INSC: variants seen among roughly 807,000 people sequenced by gnomAD.
INSC encodes the protein protein inscuteable homolog.
In INSC, 67 loss-of-function variants were observed where a neutral mutation model predicts 58.6. The observed-to-expected ratio is 1.14, with a 90% CI of 0.94 to 1.40. INSC has a LOEUF of 1.40. Among genes scored for constraint, INSC ranks in the 40% most tolerant of loss-of-function variants. The probability of loss-of-function intolerance (pLI) is 0.00; values close to 1 mark genes in which losing one functional copy is unlikely to be tolerated. For missense variants in INSC, 714 were observed against 692.0 expected (o/e 1.03, Z -0.36); for synonymous variants, 262 against 276.1 (o/e 0.95, Z 0.51).
intron 5 of INSC, among the ~76,000 whole-genome samples, chr11:15,179,614 C>T (rs10160390): frequency 0.27 from 40,714 of 152,090 alleles, 6,674 homozygotes; most frequent in Non-Finnish European, 0.38. Flanking sequence ...TTATCACCCC[C>T]GACCCCAACA....
intron 1 of INSC, among the ~76,000 whole-genome samples, chr11:15,125,376 A>G (rs1405971566): frequency 6.6e-6 from 1 of 152,226 alleles, no homozygotes; most frequent in Non-Finnish European, 1.5e-5. Context: ...TTGGCTTTTA[A>G]TATGAGTGGT....
intron 4 of INSC, among the ~76,000 whole-genome samples, chr11:15,177,739 C>G (rs12800439): frequency 0.24 from 36,148 of 152,124 alleles, 5,691 homozygotes; most frequent in Non-Finnish European, 0.36. Flanking sequence ...CTTCCCAGAG[C>G]CTGTGTCCTG....
chr11:15,129,270 G>C (rs538141213), intron 1 of INSC, among the ~76,000 whole-genome samples: 1 of 152,154 alleles, frequency 6.6e-6, no homozygotes, highest in African/African-American at 2.4e-5. Context: ...GGGGCTTGCT[G>C]TTCTGTTCTC....
At chr11:15,138,827 G>A (rs921855216) in intron 1 of INSC, among the ~76,000 whole-genome samples, 2 of 152,152 alleles carry the variant, frequency 1.3e-5, no homozygotes, top group Non-Finnish European at 2.9e-5. Flanking sequence ...TTTTACGGAT[G>A]TAGAAGCTGA....
At chr11:15,249,965 T>C (rs528222779), downstream of INSC, among the ~76,000 whole-genome samples, 2 of 152,222 alleles carry the variant, frequency 1.3e-5, no homozygotes, top group African/African-American at 4.8e-5. Flanking sequence ...GGGTGGCTGA[T>C]TGATTAAAAG....
the INSC span, among the ~76,000 whole-genome samples, chr11:15,260,137 A>G: frequency 1.2e-4 from 19 of 152,154 alleles, no homozygotes; most frequent in Non-Finnish European, 2.6e-4. Context: ...GCCGACCCAC[A>G]TCCACAAAAC....
At chr11:15,186,864 T>G (rs1274297951) in intron 5 of INSC, among the ~76,000 whole-genome samples, 1 of 152,198 alleles carries the variant, frequency 6.6e-6, no homozygotes, top group Non-Finnish European at 1.5e-5. Flanking sequence ...ACTCTACTAT[T>G]AAAATACTTT....
In INSC at chr11:15,196,844, G is replaced by T. The variant is rs529615411; in HGVS notation, c.694-3980G>T. Among the ~76,000 whole-genome samples the T allele has an allele frequency of 2.0e-5, 3 of 152,346 alleles. No individual in the cohort carries two copies. In the South Asian group the frequency reaches 6.2e-4, roughly 32 times the overall value. ...CCAGGTGAGGGAGCTAAGACAGTGA[G>T]AAAGTCCAAAGCTAGTAAGGGACTG... On this transcript the variant is annotated intron_variant, in intron 6 of 12. Coordinates refer to ENST00000379556, the MANE Select transcript of INSC (RefSeq NM_001042536.3).
chr11:15,170,277 T>A (rs985177945), intron 2 of INSC, among the ~76,000 whole-genome samples: 1 of 152,228 alleles, frequency 6.6e-6, no homozygotes, highest in Middle Eastern at 3.2e-3. Flanking sequence ...TAGTTTTTTT[T>A]TCATGAATAT....
chr11:15,116,841 C>CT (rs1491266877), intron 1 of INSC, among the ~76,000 whole-genome samples: 1 of 43,226 alleles, frequency 2.3e-5, no homozygotes, highest in African/African-American at 1.4e-4. Flanking sequence ...TTCTTTCTTT[C>CT]TTTCTTTCTC....
chr11:15,198,515 G>A (rs75804471), intron 6 of INSC, among the ~76,000 whole-genome samples: 5,311 of 152,140 alleles, frequency 0.035, 312 homozygotes, highest in African/African-American at 0.12. Flanking sequence ...CCTCATGCGT[G>A]TTCGTTGGCA....
chr11:15,197,324 C>T (rs367617337), intron 6 of INSC, among the ~76,000 whole-genome samples: 1 of 152,132 alleles, frequency 6.6e-6, no homozygotes, highest in African/African-American at 2.4e-5. Context: ...TCTTTTCATC[C>T]ATTTTTCCGG....
rs770209139 is a variant in INSC at position 15,221,630 on chromosome 11, A to T, written c.973A>T (p.Ile325Phe). 3 of 1,612,582 alleles carry T rather than the reference A, an allele frequency of 1.9e-6. No individual in the cohort carries two copies. In the East Asian group the frequency reaches 6.7e-5, roughly 36 times the overall value. The change falls in exon 8 of 13, where the codon ATC (isoleucine) becomes TTC (phenylalanine). Residue 325 changes from isoleucine (I) to phenylalanine (F), a missense_variant. By Grantham distance (21) the Ile-to-Phe change is conservative (BLOSUM62 0). Transcript: ENST00000379556. ...TAGCTTCCTGGAGAGCATGGAGGAG[A>T]TCGTGACAGCCCTCGTCAGTGAGTC... ...LSSFLESMEEIVTALVKLCQE... is the reference protein window; with the variant it reads ...LSSFLESMEEFVTALVKLCQE...
In INSC at chr11:15,225,733, G is replaced by T. The variant is rs1397605830; in HGVS notation, c.1075G>T (p.Ala359Ser). The T allele has an allele frequency of 6.2e-7, 1 of 1,614,144 alleles. No homozygotes were observed. Among genetic ancestry groups the T allele is most frequent in the Non-Finnish European group, 8.5e-7 (1 of 1,180,012 alleles). ...LANITFFDTM[A>S]CEMLLQLNAI... ...CAACATCACGTTCTTTGACACAATG[G>T]CCTGCGAGATGCTCCTGCAGTTGAA... Residue 359 changes from alanine (A) to serine (S), a missense_variant, in exon 9 of 13, where the codon GCC becomes TCC. Coordinates refer to ENST00000379556, the MANE Select transcript of INSC (RefSeq NM_001042536.3).
intron 2 of INSC, among the ~76,000 whole-genome samples, chr11:15,162,569 TA>T (rs1315058915): frequency 1.3e-5 from 2 of 152,222 alleles, no homozygotes; most frequent in Admixed American, 1.3e-4. Flanking sequence ...TATTCATTTT[TA>T]TTTATTGTAT....
At chr11:15,237,528 G>A (rs567179200) in intron 10 of INSC, among the ~76,000 whole-genome samples, 2 of 152,326 alleles carry the variant, frequency 1.3e-5, no homozygotes, top group South Asian at 4.1e-4. Context: ...GGGTTTACCT[G>A]AAGAGAGTTT....
At chr11:15,195,616 G>T (rs1589955136) in intron 6 of INSC, among the ~76,000 whole-genome samples, 2 of 152,278 alleles carry the variant, frequency 1.3e-5, no homozygotes, top group Admixed American at 6.5e-5. Flanking sequence ...ACATGCATTT[G>T]GTTGTAAGCC....
chr11:15,256,075 T>C, the INSC span, among the ~76,000 whole-genome samples: 1 of 152,188 alleles, frequency 6.6e-6, no homozygotes, highest in Admixed American at 6.6e-5. Context: ...TGATCATGCA[T>C]GACAGCTGGA....
the INSC span, among the ~76,000 whole-genome samples, chr11:15,261,211 G>A: frequency 6.6e-6 from 1 of 152,116 alleles, no homozygotes; most frequent in Non-Finnish European, 1.5e-5. Flanking sequence ...GTCTTCATGT[G>A]TATGCCTGGT....
Sources: allele counts gnomAD v4.1 joint callset (sites outside exome capture counted in the v4.1 genomes callset), GRCh38; gene constraint gnomAD v4.1.1; transcripts MANE v1.5; gene names NCBI Gene and HGNC (gene_info 2026-07-23, HGNC 2026-07-21).